The following NTAN1 variants were observed in gnomAD, a reference collection of about 807,000 sequenced individuals.
NTAN1 encodes the protein protein N-terminal asparagine amidohydrolase.
NTAN1 carries 32 observed loss-of-function variants against 41.9 expected under a neutral mutation model. The ratio of observed to expected loss-of-function variants is 0.76; its 90% CI spans 0.58 to 1.03. The LOEUF is 1.03. NTAN1 is among the 50% of genes least tolerant of loss of function. The probability of loss-of-function intolerance (pLI) is 0.00; values close to 1 mark genes in which losing one functional copy is unlikely to be tolerated. For missense variants in NTAN1, 377 were observed against 377.5 expected, an observed-to-expected ratio of 1.00 and a Z score of 0.01; for synonymous variants, 140 against 139.5, an observed-to-expected ratio of 1.00 and a Z score of -0.03.
At chr16:15,052,360 A>G (rs2044326796) in intron 1 of NTAN1, among the ~76,000 whole-genome samples, 1 of 152,220 alleles carries the variant, frequency 6.6e-6, no homozygotes, top group African/African-American at 2.4e-5. Flanking sequence ...TAGGCTATAC[A>G]TAAGCAGGGT....
intron 3 of NTAN1, 82 bp downstream of exon 3, chr16:15,047,773 A>C: frequency 8.3e-7 from 1 of 1,206,734 alleles, no homozygotes; most frequent in South Asian, 1.2e-5. Flanking sequence ...ACAAGACACC[A>C]GGAAACTCAA....
chr16:15,039,914 G>A, intron 8 of NTAN1, 55 bp downstream of exon 8: 3 of 1,010,822 alleles, frequency 3.0e-6, no homozygotes, highest in Non-Finnish European at 4.6e-6. Context: ...TTAAGGCCTT[G>A]ACATTTGATG....
chr16:15,055,985 G>A lies in NTAN1; in HGVS notation c.-14C>T, dbSNP rs1180043691. On this transcript the variant is annotated 5_prime_UTR_variant, in exon 1 of 10. Transcript: ENST00000287706. Reference sequence around the variant, plus strand: ...GAGCAGCGGCATCGCGGAGGCGGCCGCCCAGGCAGGCCCAGGGAGGCGGCG... The same window carrying A: ...GAGCAGCGGCATCGCGGAGGCGGCCACCCAGGCAGGCCCAGGGAGGCGGCG... The A allele has an allele frequency of 2.5e-6, 3 of 1,202,520 alleles. No homozygotes were observed. The highest frequency in any genetic ancestry group is 4.4e-5 in the Admixed American group (1 of 22,830). The allele number at this position is 1,202,520 out of a possible 1,614,324, so 74.5% of individuals were successfully genotyped here.
intron 8 of NTAN1, among the ~76,000 whole-genome samples, 162 bp downstream of exon 8, chr16:15,039,807 C>T (rs184208517): frequency 6.6e-6 from 1 of 152,294 alleles, no homozygotes; most frequent in East Asian, 1.9e-4. Context: ...TATTTTGAGA[C>T]AGCAAGTGTG....
intron 1 of NTAN1, among the ~76,000 whole-genome samples, chr16:15,055,292 C>T (rs995676957): frequency 6.6e-6 from 1 of 152,204 alleles, no homozygotes; most frequent in Non-Finnish European, 1.5e-5. Flanking sequence ...AAAACAAAAC[C>T]CGTGCATCAG....
chr16:15,052,836 AT>A (rs922899385), intron 1 of NTAN1, among the ~76,000 whole-genome samples: 1 of 152,098 alleles, frequency 6.6e-6, no homozygotes, highest in African/African-American at 2.4e-5. Flanking sequence ...CAAAAAAAAA[AT>A]AAATAAATAA....
At chr16:15,046,012 C>CA (rs1193262701) in intron 4 of NTAN1, 1 of 152,296 alleles carries the variant, frequency 6.6e-6, no homozygotes, top group Admixed American at 6.5e-5. Context: ...CCTGAGCGAT[C>CA]ACAGTTCTAC....
At chr16:15,050,158 CACTT>C (rs1162432143) in intron 1 of NTAN1, among the ~76,000 whole-genome samples, 3 of 152,188 alleles carry the variant, frequency 2.0e-5, no homozygotes, top group Non-Finnish European at 4.4e-5. Flanking sequence ...TGTTTGTACA[CACTT>C]ATTTAGTAAG....
At chr16:15,039,162 A>G (rs1283844094) in intron 8 of NTAN1, among the ~76,000 whole-genome samples, 1 of 152,210 alleles carries the variant, frequency 6.6e-6, no homozygotes, top group Non-Finnish European at 1.5e-5. Flanking sequence ...CCAGTCCCTG[A>G]ATTCCCAAAT....
chr16:15,039,827 A>T, intron 8 of NTAN1, 142 bp downstream of exon 8: 1 of 636,178 alleles, frequency 1.6e-6, no homozygotes, highest in Non-Finnish European at 2.8e-6. Flanking sequence ...GGGGAGGGGT[A>T]TATGTATGTG....
chr16:15,051,570 C>T (rs2044291437), intron 1 of NTAN1, among the ~76,000 whole-genome samples: 1 of 152,210 alleles, frequency 6.6e-6, no homozygotes, highest in Admixed American at 6.5e-5. Flanking sequence ...TGGTCTCGAA[C>T]TCCTGGCCTC....
intron 4 of NTAN1, 194 bp from the exon 5 acceptor site, chr16:15,044,601 C>T: frequency 1.7e-6 from 1 of 594,268 alleles, no homozygotes; most frequent in Non-Finnish European, 3.0e-6. Context: ...GGGGACCCTG[C>T]CCAGGGGCCC....
chr16:15,048,205 T>G, intron 1 of NTAN1, 106 bp from the exon 2 acceptor site: 2 of 712,310 alleles, frequency 2.8e-6, no homozygotes, highest in East Asian at 2.7e-5. Context: ...AGCACGCTAG[T>G]GTGTGGGGAG....
chr16:15,041,312 C>T (rs1461207272), intron 6 of NTAN1, among the ~76,000 whole-genome samples, 191 bp from the exon 7 acceptor site: 1 of 152,106 alleles, frequency 6.6e-6, no homozygotes, highest in Non-Finnish European at 1.5e-5. Flanking sequence ...AACAAACTGG[C>T]AGCTGCAGAA....
intron 9 of NTAN1, 75 bp from the exon 10 acceptor site, chr16:15,038,285 C>CTT: frequency 9.3e-7 from 1 of 1,069,628 alleles, no homozygotes; most frequent in Admixed American, 2.3e-5. Context: ...GTCAAAGTAT[C>CTT]TTTGTTCTTG....
At chr16:15,041,372 G>A (rs963165925) in intron 6 of NTAN1, among the ~76,000 whole-genome samples, 17 of 152,056 alleles carry the variant, frequency 1.1e-4, no homozygotes, top group African/African-American at 2.9e-4. Flanking sequence ...TCTGCCACAC[G>A]GGTGGCAGCT....
chr16:15,048,173 C>A, intron 1 of NTAN1, 74 bp from the exon 2 acceptor site: 8 of 1,039,684 alleles, frequency 7.7e-6, no homozygotes, highest in Non-Finnish European at 1.2e-5. Context: ...GTGGAGAGAG[C>A]CAAAGTGGGC....
intron 4 of NTAN1, 76 bp downstream of exon 4, chr16:15,047,366 A>G: frequency 1.0e-6 from 1 of 963,954 alleles, no homozygotes; most frequent in Non-Finnish European, 1.7e-6. Flanking sequence ...TGTTCCCCTA[A>G]CAGCTTCCAC....
intron 1 of NTAN1, 190 bp downstream of exon 1, chr16:15,055,701 G>A: frequency 5.3e-6 from 2 of 373,952 alleles, no homozygotes; most frequent in Non-Finnish European, 9.5e-6. Context: ...GGCCTCCGGG[G>A]CAGCCCGCTG....
Sources: allele counts gnomAD v4.1 joint callset (sites outside exome capture counted in the v4.1 genomes callset), GRCh38; gene constraint gnomAD v4.1.1; transcripts MANE v1.5; gene names NCBI Gene and HGNC (gene_info 2026-07-23, HGNC 2026-07-21).